The following KCNN2 variants were observed in gnomAD, a reference collection of about 807,000 sequenced individuals.
KCNN2 encodes small conductance calcium-activated potassium channel protein 2.
In KCNN2, 24 loss-of-function variants were observed where a neutral mutation model predicts 55.5. That is an observed-to-expected ratio of 0.43 (90% confidence interval 0.31 to 0.61). The LOEUF is 0.61. Ranked by LOEUF, KCNN2 falls within the 20% of genes least tolerant of loss-of-function variation. KCNN2 has a pLI of 0.08. For synonymous variants in KCNN2, 431 were observed against 336.1 expected (o/e 1.28, Z -3.09); for missense variants, 754 against 853.6 (o/e 0.88, Z 1.45).
chr5:114,157,370 G>A (rs1391805767), intron 1 of KCNN2, among the ~76,000 whole-genome samples: 5 of 152,050 alleles, frequency 3.3e-5, no homozygotes, highest in Non-Finnish European at 7.3e-5. Context: ...ATTCCCTGGT[G>A]TATATGTGCC....
At chr5:114,233,671 TGTTATA>T (rs1478391805) in intron 2 of KCNN2, among the ~76,000 whole-genome samples, 4 of 152,204 alleles carry the variant, frequency 2.6e-5, no homozygotes, top group African/African-American at 9.6e-5. Flanking sequence ...TTTTCTCCAT[TGTTATA>T]GTTTAAAATT....
chr5:114,409,468 A>T (rs987331618), intron 3 of KCNN2, among the ~76,000 whole-genome samples: 2 of 152,116 alleles, frequency 1.3e-5, no homozygotes, highest in African/African-American at 4.8e-5. Context: ...TATAACACAC[A>T]GCTTTTCTAT....
intron 1 of KCNN2, among the ~76,000 whole-genome samples, chr5:114,149,539 A>G (rs566924258): frequency 7.2e-5 from 11 of 152,240 alleles, no homozygotes; most frequent in Non-Finnish European, 1.2e-4. Context: ...TATTAAGTTT[A>G]GTGAGGGCGG....
At chr5:114,092,959 A>G (rs1751176366) in intron 1 of KCNN2, among the ~76,000 whole-genome samples, 2 of 152,056 alleles carry the variant, frequency 1.3e-5, no homozygotes, top group South Asian at 2.1e-4. Flanking sequence ...CATTTTCTCC[A>G]TTGTCTTGGT....
chr5:114,065,706 G>A (rs1323049361), intron 1 of KCNN2, among the ~76,000 whole-genome samples: 1 of 152,086 alleles, frequency 6.6e-6, no homozygotes. Flanking sequence ...GCAGCTCCAA[G>A]GATTTGGTTC....
chr5:114,313,878 G>C (rs1210277251), intron 2 of KCNN2, among the ~76,000 whole-genome samples: 1 of 152,114 alleles, frequency 6.6e-6, no homozygotes, highest in Non-Finnish European at 1.5e-5. Flanking sequence ...CTCACTGGTT[G>C]CTTCATGAAA....
intron 1 of KCNN2, among the ~76,000 whole-genome samples, chr5:114,107,996 A>C (rs897668591): frequency 1.3e-5 from 2 of 152,050 alleles, no homozygotes; most frequent in African/African-American, 4.8e-5. Flanking sequence ...TTTGTTTTTT[A>C]ACTTTGGTAG....
chr5:114,276,689 G>T, intron 2 of KCNN2, among the ~76,000 whole-genome samples: 1 of 129,328 alleles, frequency 7.7e-6, no homozygotes, highest in Non-Finnish European at 1.6e-5. Flanking sequence ...CATTTGCTTG[G>T]TAGATCTTCC....
chr5:114,147,057 G>A (rs576602568), intron 1 of KCNN2, among the ~76,000 whole-genome samples: 47 of 152,310 alleles, frequency 3.1e-4, no homozygotes, highest in African/African-American at 1.1e-3. Context: ...TTGTAATGCA[G>A]AGATAACAGC....
intron 2 of KCNN2, among the ~76,000 whole-genome samples, chr5:114,316,875 A>C (rs953606354): frequency 6.6e-6 from 1 of 152,212 alleles, no homozygotes; most frequent in African/African-American, 2.4e-5. Context: ...CTGAGTCCAC[A>C]TGCACAAGAA....
chr5:114,133,174 A>G (rs1173968550), intron 1 of KCNN2, among the ~76,000 whole-genome samples: 1 of 152,140 alleles, frequency 6.6e-6, no homozygotes, highest in Non-Finnish European at 1.5e-5. Flanking sequence ...CAGATTCTAT[A>G]ATTTATAATG....
intron 3 of KCNN2, among the ~76,000 whole-genome samples, chr5:114,462,497 A>G (rs1005826985): frequency 1.3e-5 from 2 of 152,186 alleles, no homozygotes; most frequent in African/African-American, 2.4e-5. Context: ...CCCATGATCT[A>G]GGGATGTGCC....
intron 4 of KCNN2, among the ~76,000 whole-genome samples, chr5:114,465,675 A>G (rs551038277): frequency 7.5e-4 from 114 of 152,116 alleles, no homozygotes; most frequent in African/African-American, 2.6e-3. Context: ...CAAAAATGTT[A>G]TATGTAATGG....
At chr5:114,171,948 A>G (rs1753041803) in intron 1 of KCNN2, among the ~76,000 whole-genome samples, 1 of 151,914 alleles carries the variant, frequency 6.6e-6, no homozygotes, top group African/African-American at 2.4e-5. Context: ...CAGGGTGTAT[A>G]GTATGGAGCC....
At chr5:114,154,682 T>C (rs2112522000) in intron 1 of KCNN2, among the ~76,000 whole-genome samples, 1 of 152,298 alleles carries the variant, frequency 6.6e-6, no homozygotes, top group Non-Finnish European at 1.5e-5. Context: ...TTAAACAAGA[T>C]GTTTCTGAAG....
intron 2 of KCNN2, among the ~76,000 whole-genome samples, chr5:114,391,320 T>C (rs1339642409): frequency 6.6e-6 from 1 of 152,192 alleles, no homozygotes; most frequent in South Asian, 2.1e-4. Context: ...TTGGTCACTT[T>C]TACTAGGGAC....
chr5:114,161,626 C>T (rs185711222), intron 1 of KCNN2, among the ~76,000 whole-genome samples: 25 of 152,330 alleles, frequency 1.6e-4, no homozygotes, highest in East Asian at 7.7e-4. Flanking sequence ...CTCCCCATCA[C>T]GTTCAGGTAC....
At chr5:114,268,730 T>C (rs1233673958) in intron 2 of KCNN2, among the ~76,000 whole-genome samples, 2 of 152,196 alleles carry the variant, frequency 1.3e-5, no homozygotes, top group South Asian at 4.1e-4. Context: ...ATCTAGTTCT[T>C]ATGAGATGCA....
intron 2 of KCNN2, among the ~76,000 whole-genome samples, chr5:114,331,037 G>C (rs1756811831): frequency 6.6e-6 from 1 of 152,192 alleles, no homozygotes; most frequent in Admixed American, 6.5e-5. Context: ...AGATACTCTA[G>C]TGGATCATTT....
Sources: allele counts gnomAD v4.1 joint callset (sites outside exome capture counted in the v4.1 genomes callset), GRCh38; gene constraint gnomAD v4.1.1; transcripts MANE v1.5; gene names NCBI Gene and HGNC (gene_info 2026-07-23, HGNC 2026-07-21).